The following INPP4B variants were observed in gnomAD, a reference collection of about 807,000 sequenced individuals.
INPP4B encodes the protein inositol polyphosphate 4-phosphatase type II.
In INPP4B, 55 loss-of-function variants were observed where a neutral mutation model predicts 122.5. The ratio of observed to expected loss-of-function variants is 0.45; its 90% CI spans 0.36 to 0.56. The LOEUF is 0.56. INPP4B is among the 20% of genes least tolerant of loss of function. INPP4B has a pLI of 0.00. For missense variants in INPP4B, 1,000 were observed against 1,097.7 expected (o/e 0.91, Z 1.26); for synonymous variants, 403 against 388.7 (o/e 1.04, Z -0.43).
At chr4:142,747,936 G>C (rs767329320) in intron 1 of INPP4B, among the ~76,000 whole-genome samples, 54 of 152,056 alleles carry the variant, frequency 3.6e-4, no homozygotes, top group Non-Finnish European at 6.8e-4. Flanking sequence ...CGAGTTGATA[G>C]GGTGTAGCAA....
intron 11 of INPP4B, among the ~76,000 whole-genome samples, chr4:142,258,558 C>T (rs1737798181): frequency 6.6e-6 from 1 of 152,192 alleles, no homozygotes; most frequent in Non-Finnish European, 1.5e-5. Context: ...TGAACAGACG[C>T]TTCTCAAAAG....
intron 2 of INPP4B, among the ~76,000 whole-genome samples, chr4:142,612,438 C>A (rs527788698): frequency 1.3e-5 from 2 of 152,250 alleles, no homozygotes; most frequent in South Asian, 2.1e-4. Context: ...GCTATTAAAA[C>A]AAACATGCCA....
intron 3 of INPP4B, among the ~76,000 whole-genome samples, chr4:142,441,853 C>T (rs1357833476): frequency 6.9e-6 from 1 of 145,814 alleles, no homozygotes. Flanking sequence ...TACATAAGCA[C>T]ATTTAAATGC....
chr4:142,197,212 G>C (rs1838717472), intron 14 of INPP4B, among the ~76,000 whole-genome samples: 1 of 151,670 alleles, frequency 6.6e-6, no homozygotes, highest in Non-Finnish European at 1.5e-5. Flanking sequence ...CACATGGGAG[G>C]TACTCCTTAT....
At chr4:142,174,284 A>G (rs1826972358) in intron 15 of INPP4B, among the ~76,000 whole-genome samples, 1 of 152,134 alleles carries the variant, frequency 6.6e-6, no homozygotes, top group Non-Finnish European at 1.5e-5. Flanking sequence ...AGTGGGAATA[A>G]TCATCTAAAC....
chr4:142,110,668 AT>A (rs1789558572), intron 22 of INPP4B, among the ~76,000 whole-genome samples: 1 of 152,040 alleles, frequency 6.6e-6, no homozygotes, highest in African/African-American at 2.4e-5. Context: ...CTACTTTGCC[AT>A]TTTGCTCCTT....
intron 9 of INPP4B, among the ~76,000 whole-genome samples, chr4:142,271,453 G>A (rs1177045539): frequency 6.6e-6 from 1 of 152,162 alleles, no homozygotes; most frequent in African/African-American, 2.4e-5. Flanking sequence ...AGATACCTAT[G>A]TGTCTATCAC....
At chr4:142,608,276 G>A (rs2150326142) in intron 2 of INPP4B, among the ~76,000 whole-genome samples, 1 of 152,044 alleles carries the variant, frequency 6.6e-6, no homozygotes, top group East Asian at 1.9e-4. Context: ...TTTTGCATAG[G>A]ACAAAAGTCA....
intron 2 of INPP4B, among the ~76,000 whole-genome samples, chr4:142,476,589 C>T (rs777521658): frequency 4.9e-4 from 75 of 152,220 alleles, no homozygotes; most frequent in Non-Finnish European, 8.2e-4. Flanking sequence ...TGCAGTGACA[C>T]CCATAAGCTC....
chr4:142,229,452 G>A (rs1202228071), intron 12 of INPP4B, among the ~76,000 whole-genome samples: 1 of 152,146 alleles, frequency 6.6e-6, no homozygotes, highest in Non-Finnish European at 1.5e-5. Flanking sequence ...GCCATTTGTG[G>A]TACTGATAGT....
intron 2 of INPP4B, among the ~76,000 whole-genome samples, chr4:142,472,323 G>T (rs1818984775): frequency 7.2e-6 from 1 of 138,310 alleles, no homozygotes; most frequent in Non-Finnish European, 1.5e-5. Context: ...GATCATTGTA[G>T]GAAAAAAAAA....
chr4:142,035,723 G>A (rs1009705471), intron 25 of INPP4B, among the ~76,000 whole-genome samples: 1 of 152,208 alleles, frequency 6.6e-6, no homozygotes, highest in African/African-American at 2.4e-5. Context: ...AATCAATCAT[G>A]CTGTGGTCTG....
intron 18 of INPP4B, among the ~76,000 whole-genome samples, chr4:142,142,344 T>C (rs1355860169): frequency 2.0e-5 from 3 of 152,098 alleles, no homozygotes; most frequent in Non-Finnish European, 4.4e-5. Flanking sequence ...AGTGAAAATA[T>C]TTAAGGCTGA....
intron 7 of INPP4B, among the ~76,000 whole-genome samples, chr4:142,379,708 C>T (rs562969630): frequency 1.2e-4 from 18 of 152,186 alleles, no homozygotes; most frequent in Non-Finnish European, 1.6e-4. Flanking sequence ...CTAGTTTCTG[C>T]TCTTTTCTAG....
chr4:142,693,020 A>G (rs547772142), intron 2 of INPP4B, among the ~76,000 whole-genome samples: 83 of 152,104 alleles, frequency 5.5e-4, no homozygotes, highest in Non-Finnish European at 7.4e-4. Context: ...AAAAAAAAAA[A>G]AGAGAAATTA....
intron 1 of INPP4B, among the ~76,000 whole-genome samples, chr4:142,744,203 C>T (rs1768322615): frequency 6.6e-6 from 1 of 151,766 alleles, no homozygotes; most frequent in Non-Finnish European, 1.5e-5. Context: ...ATGAGTTTAA[C>T]AGCAGGCCAG....
At chr4:142,354,964 T>G (rs952554049) in intron 7 of INPP4B, among the ~76,000 whole-genome samples, 9 of 152,016 alleles carry the variant, frequency 5.9e-5, no homozygotes, top group Non-Finnish European at 8.8e-5. Flanking sequence ...GGGGTTCAGA[T>G]AGCTTGTGGC....
intron 1 of INPP4B, among the ~76,000 whole-genome samples, chr4:142,807,134 A>G (rs1778965256): frequency 6.6e-6 from 1 of 152,246 alleles, no homozygotes; most frequent in African/African-American, 2.4e-5. Flanking sequence ...ATGATCCAAC[A>G]AACACTGAGT....
intron 2 of INPP4B, among the ~76,000 whole-genome samples, chr4:142,708,337 A>G (rs1390012211): frequency 6.6e-6 from 1 of 152,220 alleles, no homozygotes; most frequent in African/African-American, 2.4e-5. Context: ...CAAGCTGCAG[A>G]AATTTGCATA....
Sources: gnomAD v4.1 joint callset for allele counts (sites outside exome capture counted in the v4.1 genomes callset) on GRCh38, gnomAD v4.1.1 for gene constraint, MANE v1.5 for transcripts, NCBI Gene and HGNC (gene_info 2026-07-23, HGNC 2026-07-21) for gene names.